MPRIP: variants seen among roughly 807,000 people sequenced by gnomAD.
MPRIP encodes myosin phosphatase Rho-interacting protein.
A neutral mutation model predicts 234.9 loss-of-function variants in MPRIP; 59 were observed. That is an observed-to-expected ratio of 0.25 (90% CI 0.20 to 0.31). MPRIP has a LOEUF of 0.31. MPRIP is among the 10% of genes least tolerant of loss of function. MPRIP has a pLI of 1.00. For synonymous variants in MPRIP, 1,144 were observed against 1,263.9 expected (o/e 0.91, Z 2.01); for missense variants, 2,436 against 3,071.0 (o/e 0.79, Z 4.89).
At chr17:17,184,637 G>A (rs1187355575) in intron 23 of MPRIP, among the ~76,000 whole-genome samples, 186 bp from the exon 24 acceptor site, 1 of 152,076 alleles carries the variant, frequency 6.6e-6, no homozygotes, top group Non-Finnish European at 1.5e-5. Context: ...ATTTTGTGAA[G>A]GGGAAAACAT....
intron 23 of MPRIP, among the ~76,000 whole-genome samples, chr17:17,183,972 G>A (rs758141063): frequency 1.3e-5 from 2 of 152,234 alleles, no homozygotes; most frequent in Non-Finnish European, 2.9e-5. Flanking sequence ...GTGTGATGGC[G>A]ACACTTAGCG....
At chr17:17,128,259 G>A (rs1298747186) in intron 4 of MPRIP, among the ~76,000 whole-genome samples, 1 of 152,228 alleles carries the variant, frequency 6.6e-6, no homozygotes. Context: ...GTCCCAGGGA[G>A]GGTGTGGGTA....
chr17:17,069,429 G>T (rs932252091), intron 1 of MPRIP, among the ~76,000 whole-genome samples: 1 of 149,020 alleles, frequency 6.7e-6, no homozygotes, highest in South Asian at 2.1e-4. Flanking sequence ...AATATTTACG[G>T]ATAACTTAGG....
intron 23 of MPRIP, among the ~76,000 whole-genome samples, chr17:17,183,782 C>T (rs191368290): frequency 8.5e-5 from 13 of 152,258 alleles, no homozygotes; most frequent in African/African-American, 1.4e-4. Context: ...CCTAAGCTGG[C>T]GACTTCCCAG....
At chr17:17,083,424 G>C (rs779359277) in intron 3 of MPRIP, among the ~76,000 whole-genome samples, 2 of 152,082 alleles carry the variant, frequency 1.3e-5, no homozygotes, top group Non-Finnish European at 2.9e-5. Context: ...GTGTCCAGGA[G>C]GTTGCCTTGT....
Position 17,138,171 on chromosome 17 carries a change from T to C in MPRIP, c.992T>C (p.Leu331Pro). Residue 331 changes from leucine (L) to proline (P), a missense_variant, in exon 7 of 24, where the codon CTC (leucine) becomes CCC (proline). Physicochemically the swap from Leu to Pro is moderately conservative, Grantham distance 98. Transcript: ENST00000651222. This position sits in a 1 kb window ranked among gnomAD's most constrained non-coding sequence, Gnocchi z 5.8. ...CACCAAATGGTCTGCAGCATCTCCC[T>C]CAGCTCCCTGGATGTGGCCAGCCAG... ...LPHQMVCSIS[L>P]SSLDVASQPP... 1 of 1,162,518 alleles carries C rather than the reference T, an allele frequency of 8.6e-7. No individual in the cohort carries two copies. 72.0% of individuals were successfully genotyped at this position (1,162,518 alleles called of 1,614,324 possible). A position where few individuals can be genotyped will look rare whatever the true frequency, so the allele number is the denominator to read the frequency against.
At chr17:17,072,171 C>T (rs535247346) in intron 1 of MPRIP, among the ~76,000 whole-genome samples, 5 of 152,290 alleles carry the variant, frequency 3.3e-5, no homozygotes, top group African/African-American at 9.6e-5. Context: ...GTCTGCTGTG[C>T]GGGGGAGGAT....
At chr17:17,129,668 C>T (rs545834020) in intron 4 of MPRIP, among the ~76,000 whole-genome samples, 44 of 151,150 alleles carry the variant, frequency 2.9e-4, no homozygotes, top group Admixed American at 1.4e-3. Flanking sequence ...AGAGCACCTG[C>T]GGTGCAGCCT....
intron 1 of MPRIP, among the ~76,000 whole-genome samples, chr17:17,047,647 T>C (rs573806045): frequency 1.3e-5 from 2 of 152,224 alleles, no homozygotes; most frequent in East Asian, 1.9e-4. Context: ...AGGGACAGGA[T>C]GTTGTTGGTT....
chr17:17,161,559 A>G (rs957426687), intron 15 of MPRIP, among the ~76,000 whole-genome samples: 3 of 152,068 alleles, frequency 2.0e-5, no homozygotes, highest in Non-Finnish European at 4.4e-5. Flanking sequence ...CTGATATGAC[A>G]TTTTGGGGAA....
intron 3 of MPRIP, among the ~76,000 whole-genome samples, chr17:17,097,864 T>C (rs1052793435): frequency 6.6e-6 from 1 of 152,220 alleles, no homozygotes; most frequent in African/African-American, 2.4e-5. Context: ...AGAGAAGCTT[T>C]TTGAGTGAGG....
At chr17:17,069,377 TATCA>T (rs900460424) in intron 1 of MPRIP, among the ~76,000 whole-genome samples, 55 of 152,184 alleles carry the variant, frequency 3.6e-4, no homozygotes, top group African/African-American at 1.3e-3. Flanking sequence ...AAATCTACTC[TATCA>T]ATCTTTTAAT....
At chr17:17,157,511 G>T (rs2045754909) in intron 13 of MPRIP, among the ~76,000 whole-genome samples, 1 of 152,200 alleles carries the variant, frequency 6.6e-6, no homozygotes, top group African/African-American at 2.4e-5. Flanking sequence ...TGATCCATCT[G>T]TCATGCCAGC....
chr17:17,146,115 GCCC>G, intron 10 of MPRIP, 23 bp downstream of exon 10: 1 of 1,610,656 alleles, frequency 6.2e-7, no homozygotes, highest in Admixed American at 1.7e-5. Context: ...GGTTGCCGTG[GCCC>G]CTGAGGGATC....
intron 3 of MPRIP, among the ~76,000 whole-genome samples, chr17:17,112,971 G>A (rs1181686952): frequency 2.0e-5 from 3 of 152,202 alleles, no homozygotes; most frequent in East Asian, 1.9e-4. Flanking sequence ...GTTTCCCAGC[G>A]GTCCTCCGAG....
chr17:17,086,201 T>A (rs1355730750), intron 3 of MPRIP, among the ~76,000 whole-genome samples: 1 of 152,062 alleles, frequency 6.6e-6, no homozygotes, highest in African/African-American at 2.4e-5. Context: ...AGCGGCTGGG[T>A]CCGGAGCACA....
intron 14 of MPRIP, among the ~76,000 whole-genome samples, chr17:17,160,343 C>T (rs1004649018): frequency 3.3e-5 from 5 of 152,128 alleles, no homozygotes; most frequent in African/African-American, 4.8e-5. Context: ...TCCAGCCTGG[C>T]GACAGAGCGA....
At chr17:17,180,704 T>A in intron 23 of MPRIP, 9 of 1,576,900 alleles carry the variant, frequency 5.7e-6, no homozygotes, top group Non-Finnish European at 7.9e-6. Context: ...CATGCACTGC[T>A]CACACCCCCA....
intron 1 of MPRIP, among the ~76,000 whole-genome samples, chr17:17,064,982 G>A (rs1163619606): frequency 2.0e-5 from 3 of 152,198 alleles, no homozygotes; most frequent in Non-Finnish European, 2.9e-5. Context: ...ACTTTGTGAC[G>A]TTGCCAGCAT....
Sources: gnomAD v4.1 joint callset for allele counts (sites outside exome capture counted in the v4.1 genomes callset) on GRCh38, gnomAD v4.1.1 for gene constraint, Gnocchi (gnomAD v3.1) non-coding constraint, MANE v1.5 for transcripts, NCBI Gene and HGNC (gene_info 2026-07-23, HGNC 2026-07-21) for gene names.